The following NEURL1 variants were observed in gnomAD, a reference collection of about 807,000 sequenced individuals.
NEURL1 encodes neuralized E3 ubiquitin protein ligase 1, also known as E3 ubiquitin-protein ligase NEURL1.
A neutral mutation model predicts 41.2 loss-of-function variants in NEURL1; 26 were observed. The ratio of observed to expected loss-of-function variants is 0.63; its 90% CI spans 0.46 to 0.87. The LOEUF (loss-of-function observed/expected upper bound fraction) is 0.87. NEURL1 is among the 40% of genes least tolerant of loss of function. The pLI, the probability that NEURL1 is intolerant of heterozygous loss-of-function variation, is 0.00. For synonymous variants in NEURL1, 400 were observed against 402.3 expected, an observed-to-expected ratio of 0.99 and a Z score of 0.07; for missense variants, 761 against 871.1, an observed-to-expected ratio of 0.87 and a Z score of 1.59.
chr10:103,584,552 C>A lies in NEURL1; in HGVS notation c.666C>A (p.Leu222=). The change falls in exon 4 of 6, where the codon CTC becomes CTA. Residue 222 remains leucine, a synonymous_variant. Coordinates refer to ENST00000369780, the MANE Select transcript of NEURL1 (RefSeq NM_004210.5). ...CCCGCGCAGATAGCGAGCTGGTGCT[C>A]CCGGACTGTCTGCGGCCGCGCTCCT... ...GVQLLDSELV[L]PDCLRPRSFT... is the part of the protein sequence containing the mutation. The A allele has an allele frequency of 1.4e-6, 2 of 1,406,302 alleles. No individual in the cohort carries two copies. Among genetic ancestry groups the A allele is most frequent in the South Asian group, 1.5e-5 (1 of 65,182 alleles). The allele number at this position is 1,406,302 out of a possible 1,614,324, so 87.1% of individuals were successfully genotyped here.
chr10:103,499,068 A>C (rs1011243452), intron 1 of NEURL1, among the ~76,000 whole-genome samples: 1 of 152,192 alleles, frequency 6.6e-6, no homozygotes, highest in Non-Finnish European at 1.5e-5. Context: ...TACACCTCCC[A>C]TCTTTCAAAA....
chr10:103,587,127 A>G (rs2035940483), intron 4 of NEURL1, among the ~76,000 whole-genome samples: 2 of 152,210 alleles, frequency 1.3e-5, no homozygotes, highest in Admixed American at 1.3e-4. Context: ...GGCTTGGGTG[A>G]GAATTCAAGA....
At position 103,548,569 on chromosome 10, in the gene NEURL1, C is replaced by T. The variant is rs145858314; in HGVS notation, c.86-22303C>T. On this transcript the variant is annotated intron_variant, in intron 1 of 5. Transcript: ENST00000369780. Reference sequence around the variant, plus strand: ...AACTCCTGACCTCAGGTGATCTGCCCGCCTCGGCCTCCCAAAGTGCTGGGA... The same window carrying T: ...AACTCCTGACCTCAGGTGATCTGCCTGCCTCGGCCTCCCAAAGTGCTGGGA... 9.1e-3 allele frequency among the ~76,000 whole-genome samples: 1,383 copies of T among 151,236 alleles called. 17 individuals carry two copies. Among genetic ancestry groups the T allele is most frequent in the African/African-American group, 0.032 (1,316 of 41,206 alleles).
chr10:103,565,524 G>A lies in NEURL1; in HGVS notation c.86-5348G>A, dbSNP rs80036908. 1.8e-4 allele frequency among the ~76,000 whole-genome samples: 27 copies of A among 152,348 alleles called. No homozygotes were observed. The East Asian group carries it at 5.2e-3, about 29-fold the overall frequency. On this transcript the variant is annotated intron_variant, in intron 1 of 5. Coordinates refer to ENST00000369780, the MANE Select transcript of NEURL1 (RefSeq NM_004210.5). ...CCCAACTAAGCACTGGGGCTCTTCTGGTAGATGGCCACATCCTAGGCACTG... is the reference window on the plus strand; with the variant it reads ...CCCAACTAAGCACTGGGGCTCTTCTAGTAGATGGCCACATCCTAGGCACTG...
intron 1 of NEURL1, among the ~76,000 whole-genome samples, chr10:103,535,239 C>T (rs1318565397): frequency 4.6e-5 from 7 of 152,134 alleles, no homozygotes; most frequent in Admixed American, 4.6e-4. Flanking sequence ...GATGACTTTA[C>T]TCCCCAGGGA....
chr10:103,509,060 C>G (rs1465275190), intron 1 of NEURL1, among the ~76,000 whole-genome samples: 29 of 152,130 alleles, frequency 1.9e-4, no homozygotes, highest in Admixed American at 1.9e-3. Flanking sequence ...GAAAGCCCAT[C>G]TCTATTAAAA....
At chr10:103,541,289 G>A (rs1248189173) in intron 1 of NEURL1, among the ~76,000 whole-genome samples, 1 of 152,126 alleles carries the variant, frequency 6.6e-6, no homozygotes, top group Non-Finnish European at 1.5e-5. Context: ...ACATAATCAG[G>A]GGAAATGCCT....
At chr10:103,534,138 T>C (rs1374657473) in intron 1 of NEURL1, among the ~76,000 whole-genome samples, 1 of 151,978 alleles carries the variant, frequency 6.6e-6, no homozygotes, top group Non-Finnish European at 1.5e-5. Flanking sequence ...GTCTTTCACA[T>C]CGTGAATTGT....
chr10:103,543,313 A>G (rs1296410449), intron 1 of NEURL1, among the ~76,000 whole-genome samples: 1 of 152,208 alleles, frequency 6.6e-6, no homozygotes, highest in African/African-American at 2.4e-5. Context: ...TCGAGTGAGC[A>G]CAGGCTAGTG....
rs758624622 is a variant in NEURL1, at chr10:103,585,239, G to C, written c.1339+14G>C. 3.8e-5 allele frequency: 57 copies of C among 1,495,994 alleles called. No homozygotes were observed. Among genetic ancestry groups the C allele is most frequent in the Non-Finnish European group, 4.9e-5 (55 of 1,123,112 alleles). The allele number at this position is 1,495,994 out of a possible 1,614,324, so 92.7% of individuals were successfully genotyped here. Reference sequence around the variant, plus strand: ...TCCGCATCCTCGGTGAGTGCCCGCAGCTGCGCCTGGGCGTATGCCTTTCCT... The same window carrying C: ...TCCGCATCCTCGGTGAGTGCCCGCACCTGCGCCTGGGCGTATGCCTTTCCT... On this transcript the variant is annotated intron_variant, in intron 4 of 5. Transcript: ENST00000369780.
intron 1 of NEURL1, among the ~76,000 whole-genome samples, chr10:103,539,831 A>C (rs571393786): frequency 1.2e-4 from 18 of 152,238 alleles, no homozygotes; most frequent in Non-Finnish European, 2.2e-4. Context: ...ACTTTGAATA[A>C]GGCTCCTTTA....
chr10:103,592,445 G>C lies in NEURL1; in HGVS notation c.*2073G>C, dbSNP rs2036072658. The C allele has an allele frequency of 6.5e-6, 1 of 152,758 alleles. No homozygotes were observed. Among genetic ancestry groups the C allele is most frequent in the Admixed American group, 6.5e-5 (1 of 15,294 alleles). 9.5% of individuals were successfully genotyped at this position (152,758 alleles called of 1,614,324 possible). A position where few individuals can be genotyped will look rare whatever the true frequency, so the allele number is the denominator to read the frequency against. ...GATCCCAGAGGCTGAGGGTTGGGGA[G>C]AGGAAGCCATCATCTCATTACCTCT... On this transcript the variant is annotated 3_prime_UTR_variant, in exon 6 of 6. Coordinates refer to ENST00000369780, the MANE Select transcript of NEURL1 (RefSeq NM_004210.5). This position sits in a 1 kb window ranked among gnomAD's most constrained non-coding sequence, Gnocchi z 4.8.
intron 1 of NEURL1, among the ~76,000 whole-genome samples, chr10:103,499,083 G>A (rs1223683201): frequency 1.3e-5 from 2 of 152,208 alleles, no homozygotes; most frequent in African/African-American, 4.8e-5. Flanking sequence ...TCAAAAGGTG[G>A]TGCTTCTTGA....
At chr10:103,496,271 C>T (rs2033683167) in intron 1 of NEURL1, among the ~76,000 whole-genome samples, 1 of 152,156 alleles carries the variant, frequency 6.6e-6, no homozygotes, top group Non-Finnish European at 1.5e-5. Context: ...GCTCAGTAAT[C>T]ATGGTATATA....
At chr10:103,507,693 A>G (rs925530287) in intron 1 of NEURL1, among the ~76,000 whole-genome samples, 4 of 152,162 alleles carry the variant, frequency 2.6e-5, no homozygotes, top group Admixed American at 2.6e-4. Flanking sequence ...CAGGCTGGGC[A>G]GGCTCTGAGC....
intron 3 of NEURL1, among the ~76,000 whole-genome samples, chr10:103,581,061 G>A (rs1210979850): frequency 1.3e-5 from 2 of 152,198 alleles, no homozygotes; most frequent in Admixed American, 6.5e-5. Context: ...CTGTGCTCAA[G>A]CCAAGCAAAT....
rs1353916477 is a variant in NEURL1, at chr10:103,592,122, CT to C, written c.*1751del. On this transcript the variant is annotated 3_prime_UTR_variant, in exon 6 of 6. Coordinates refer to ENST00000369780, the MANE Select transcript of NEURL1 (RefSeq NM_004210.5). This position sits in a 1 kb window ranked among gnomAD's most constrained non-coding sequence, Gnocchi z 4.8. ...AGGGCATGGGTTTTAGTCCTGGCCA[CT>C]GACCAGCTGTGTGGCCCTGGCCGAG... 1 of 152,280 alleles carries C rather than the reference CT, an allele frequency of 6.6e-6. No individual in the cohort carries two copies. Among genetic ancestry groups the C allele is most frequent in the Non-Finnish European group, 1.5e-5 (1 of 68,076 alleles). The allele number at this position is 152,280 out of a possible 1,614,324, so 9.4% of individuals were successfully genotyped here.
In NEURL1 at chr10:103,590,521, T is replaced by C. The variant is rs1486307229; in HGVS notation, c.*149T>C. The stretch of plus-strand genomic sequence containing the variant: ...ATGGGAAACTGAAGCCCTTGAAGGT[T>C]TGGGGAGAGGGGGGTATCAGGCAGG... On this transcript the variant is annotated 3_prime_UTR_variant, in exon 6 of 6. Coordinates refer to ENST00000369780, the MANE Select transcript of NEURL1 (RefSeq NM_004210.5). The C allele has an allele frequency of 9.2e-6, 6 of 653,348 alleles. No homozygotes were observed. In the East Asian group the frequency reaches 1.1e-4, roughly 12 times the overall value. 40.5% of individuals were successfully genotyped at this position (653,348 alleles called of 1,614,324 possible).
Position 103,553,791 on chromosome 10 carries a change from C to T in NEURL1, c.86-17081C>T, listed in dbSNP as rs79271335. Among the ~76,000 whole-genome samples the T allele has an allele frequency of 8.1e-3, 1,227 of 152,296 alleles. 10 individuals are homozygous for T. The highest frequency in any genetic ancestry group is 0.027 in the African/African-American group (1,131 of 41,556). On this transcript the variant is annotated intron_variant, in intron 1 of 5. Coordinates refer to ENST00000369780, the MANE Select transcript of NEURL1 (RefSeq NM_004210.5). ...CTACCCCTCTGTCCTCCCACCTGCC[C>T]GCTGGCTTTCTCTTCCCACCCAGCC...
Sources: allele counts gnomAD v4.1 joint callset (sites outside exome capture counted in the v4.1 genomes callset), GRCh38; gene constraint gnomAD v4.1.1; non-coding constraint Gnocchi (gnomAD v3.1); transcripts MANE v1.5; gene names NCBI Gene and HGNC (gene_info 2026-07-23, HGNC 2026-07-21).